The following ANK3 variants were observed in gnomAD, a reference collection of about 807,000 sequenced individuals.
ANK3 encodes the protein ankyrin 3, also known as ankyrin-3.
ANK3 carries 57 observed loss-of-function variants against 370.9 expected under a neutral mutation model. The observed-to-expected ratio is 0.15, with a 90% CI of 0.12 to 0.19. ANK3 has a LOEUF of 0.19. Ranked by LOEUF, ANK3 falls within the 10% of genes least tolerant of loss-of-function variation. The pLI is 1.00. For missense variants in ANK3, 4,439 were observed against 5,302.1 expected (o/e 0.84, Z 5.06); for synonymous variants, 1,929 against 1,946.3 (o/e 0.99, Z 0.23).
intron 38 of ANK3, among the ~76,000 whole-genome samples, chr10:60,067,506 C>A (rs1249072778): frequency 6.6e-6 from 1 of 152,104 alleles, no homozygotes; most frequent in Admixed American, 6.6e-5. Context: ...ATTTGTGCAG[C>A]CTAGGCGTGG....
chr10:60,373,545 G>T (rs1055570872), intron 1 of ANK3, among the ~76,000 whole-genome samples: 4 of 152,126 alleles, frequency 2.6e-5, no homozygotes, highest in African/African-American at 9.7e-5. Context: ...TAAACAGTCA[G>T]GAGATGGTAG....
rs3750800 is a variant in ANK3 at position 60,108,958 on chromosome 10, C to T, written c.3045G>A (p.Thr1015=). The T allele has an allele frequency of 6.8e-6, 11 of 1,613,736 alleles. No individual in the cohort carries two copies. The highest frequency in any genetic ancestry group is 6.7e-5 in the African/African-American group (5 of 74,834). Residue 1015 remains threonine (T), a synonymous_variant, in exon 27 of 44, where the codon ACG becomes ACA. Coordinates refer to ENST00000280772, the MANE Select transcript of ANK3 (RefSeq NM_020987.5). Reference sequence around the variant, plus strand: ...AACGGCAGGTGATTCGAGTGGGGGCCGTACACTTGCGTGGAGGAATGATGA... The same window carrying T: ...AACGGCAGGTGATTCGAGTGGGGGCTGTACACTTGCGTGGAGGAATGATGA... The part of the protein sequence containing the change: ...MRIIIPPRKC[T]APTRITCRLV...
intron 1 of ANK3, among the ~76,000 whole-genome samples, chr10:60,349,335 C>T (rs1353653863): frequency 6.6e-6 from 1 of 152,068 alleles, no homozygotes; most frequent in Non-Finnish European, 1.5e-5. Flanking sequence ...AGAAAGAGTA[C>T]AAAAACCTCA....
At chr10:60,599,616 C>T (rs1190531965) in intron 2 of ANK3, among the ~76,000 whole-genome samples, 2 of 152,106 alleles carry the variant, frequency 1.3e-5, no homozygotes, top group Non-Finnish European at 2.9e-5. Context: ...CTGTTACTGC[C>T]CTAGTACAAC....
chr10:60,527,414 G>A (rs371686162), intron 2 of ANK3, among the ~76,000 whole-genome samples: 47 of 151,914 alleles, frequency 3.1e-4, no homozygotes, highest in Non-Finnish European at 5.6e-4. Flanking sequence ...TTAAGAACAC[G>A]AGAGAGAGAG....
chr10:60,092,901 A>G (rs1051805170), intron 28 of ANK3, among the ~76,000 whole-genome samples: 1 of 152,070 alleles, frequency 6.6e-6, no homozygotes, highest in African/African-American at 2.4e-5. Context: ...ACGCCCAGCT[A>G]ATTTTTGTAT....
chr10:60,198,464 C>T lies in ANK3; in HGVS notation c.1565G>A (p.Gly522Glu). The change falls in exon 14 of 44, where the codon GGG becomes GAG. Residue 522 changes from glycine to glutamate, a missense_variant. Coordinates refer to ENST00000280772, the MANE Select transcript of ANK3 (RefSeq NM_020987.5). ...ADIVQQLLQQGASPNAATTSG... is the reference protein window; with the variant it reads ...ADIVQQLLQQEASPNAATTSG... ...AGTTGTGGCTGCATTTGGAGATGCC[C>T]CTTGCTGCAACAGCTGTTGTACTAT... 2 of 1,614,144 alleles carry T rather than the reference C, an allele frequency of 1.2e-6. No homozygotes were observed. The highest frequency in any genetic ancestry group is 1.7e-6 in the Non-Finnish European group (2 of 1,180,024).
At chr10:60,215,590 T>C (rs1249023578) in intron 8 of ANK3, among the ~76,000 whole-genome samples, 2 of 152,224 alleles carry the variant, frequency 1.3e-5, no homozygotes, top group Non-Finnish European at 2.9e-5. Flanking sequence ...TAGCCGGTTT[T>C]CCCAGCACCA....
intron 8 of ANK3, among the ~76,000 whole-genome samples, chr10:60,223,840 A>C (rs1314294981): frequency 6.6e-6 from 1 of 152,118 alleles, no homozygotes; most frequent in East Asian, 1.9e-4. Flanking sequence ...TCCTTTTTCT[A>C]CTCAGAATAC....
chr10:60,545,159 A>G (rs1411061059), intron 2 of ANK3, among the ~76,000 whole-genome samples: 1 of 150,318 alleles, frequency 6.7e-6, no homozygotes, highest in Non-Finnish European at 1.5e-5. Context: ...AAAGACTGTA[A>G]AGGAAACCTA....
chr10:60,057,765 A>G (rs561851240), intron 41 of ANK3, among the ~76,000 whole-genome samples: 2 of 152,314 alleles, frequency 1.3e-5, no homozygotes, highest in East Asian at 3.9e-4. Context: ...AATAATGATG[A>G]ACACCTTTCC....
chr10:60,068,013 C>T lies in ANK3; in HGVS notation c.12245-4G>A, dbSNP rs527940388. ...CGTTCACATGGACTCTGTGGACCTA[C>T]GATTTACAATTTCTTAATTAAAATA... On this transcript the variant is annotated splice_polypyrimidine_tract_variant and splice_region_variant and intron_variant, in intron 37 of 43. Transcript: ENST00000280772. 71 of 1,596,646 alleles carry T rather than the reference C, an allele frequency of 4.4e-5. No homozygotes were observed. In the South Asian group the frequency reaches 6.0e-4, roughly 14 times the overall value.
intron 1 of ANK3, among the ~76,000 whole-genome samples, chr10:60,384,661 T>A (rs772104686): frequency 6.6e-6 from 1 of 152,168 alleles, no homozygotes; most frequent in African/African-American, 2.4e-5. Context: ...AAAAAATACT[T>A]TCTCTTCTCA....
chr10:60,678,687 T>C (rs970384999), intron 1 of ANK3, among the ~76,000 whole-genome samples: 1 of 152,214 alleles, frequency 6.6e-6, no homozygotes, highest in Non-Finnish European at 1.5e-5. Context: ...TTATATGTTA[T>C]AGTACTCATT....
intron 1 of ANK3, among the ~76,000 whole-genome samples, chr10:60,705,896 C>T (rs556943329): frequency 3.6e-4 from 52 of 143,450 alleles, no homozygotes; most frequent in Non-Finnish European, 6.6e-4. Flanking sequence ...GATCATGGCT[C>T]ACTGCACCCT....
chr10:60,684,609 T>G, intron 1 of ANK3: 1 of 1,589,946 alleles, frequency 6.3e-7, no homozygotes, highest in Admixed American at 1.7e-5. Context: ...GAAAGACAAC[T>G]GTCTTATACA....
At chr10:60,110,388 C>T (rs1279928233) in intron 26 of ANK3, among the ~76,000 whole-genome samples, 1 of 152,118 alleles carries the variant, frequency 6.6e-6, no homozygotes, top group Admixed American at 6.6e-5. Flanking sequence ...TCTTCATACC[C>T]TTTTGCTCAT....
chr10:60,273,313 T>C (rs993208569), intron 4 of ANK3, among the ~76,000 whole-genome samples: 7 of 152,158 alleles, frequency 4.6e-5, no homozygotes, highest in African/African-American at 1.7e-4. Flanking sequence ...CATACTTCCT[T>C]GTTTTTTGAT....
intron 2 of ANK3, among the ~76,000 whole-genome samples, chr10:60,583,706 C>T (rs2077791011): frequency 2.6e-5 from 4 of 151,880 alleles, no homozygotes; most frequent in African/African-American, 9.7e-5. Context: ...CCTCAGCCTC[C>T]TGAGTAGCTG....
Sources: allele counts gnomAD v4.1 joint callset (sites outside exome capture counted in the v4.1 genomes callset), GRCh38; gene constraint gnomAD v4.1.1; transcripts MANE v1.5; gene names NCBI Gene and HGNC (gene_info 2026-07-23, HGNC 2026-07-21).